Variants in TRPV2 observed in about 807,000 individuals in gnomAD.
TRPV2 encodes the protein transient receptor potential cation channel subfamily V member 2.
In TRPV2, 58 loss-of-function variants were observed where a neutral mutation model predicts 91.0. That is an observed-to-expected ratio of 0.64 (90% CI 0.52 to 0.79). The LOEUF (loss-of-function observed/expected upper bound fraction) is 0.79. Ranked by LOEUF, TRPV2 falls within the 30% of genes least tolerant of loss-of-function variation. The pLI is 0.00. For synonymous variants in TRPV2, 417 were observed against 414.8 expected, an observed-to-expected ratio of 1.01 and a Z score of -0.06; for missense variants, 807 against 969.6, an observed-to-expected ratio of 0.83 and a Z score of 2.23.
chr17:16,436,197 A>AG, intron 14 of TRPV2, among the ~76,000 whole-genome samples: 1 of 152,196 alleles, frequency 6.6e-6, no homozygotes, highest in East Asian at 1.9e-4. Flanking sequence ...GCACCACTGC[A>AG]GGGGGGCCCA....
At position 16,432,125 on chromosome 17, in the gene TRPV2, T is replaced by G. The variant is rs1430651064; in HGVS notation, c.1814T>G (p.Ile605Ser). 7 of 1,614,214 alleles carry G rather than the reference T, an allele frequency of 4.3e-6. No individual in the cohort carries two copies. Among genetic ancestry groups the G allele is most frequent in the Non-Finnish European group, 5.9e-6 (7 of 1,180,042 alleles). ...TCCTTGGAGCTCTTCAAATTCACCA[T>G]CGGCATGGGCGAGCTGGCCTTCCAG... ...EASLELFKFT[I>S]GMGELAFQEQ... The change falls in exon 12 of 15, where the codon ATC (isoleucine) becomes AGC (serine). Residue 605 changes from isoleucine to serine, a missense_variant. Coordinates refer to ENST00000338560, the MANE Select transcript of TRPV2 (RefSeq NM_016113.5).
chr17:16,420,907 C>T (rs544089567), intron 3 of TRPV2, among the ~76,000 whole-genome samples: 3 of 152,280 alleles, frequency 2.0e-5, no homozygotes, highest in South Asian at 2.1e-4. Flanking sequence ...TGAGCCACCG[C>T]GCAGGGCCTA....
At position 16,420,226 on chromosome 17, in the gene TRPV2, C is replaced by T. The variant is rs2093350299; in HGVS notation, c.312C>T (p.Tyr104=). Reference sequence around the variant, plus strand: ...AGTACCTGAGCAAGACCAGCAAGTACCTCACCGACTCGGAATACACAGGTA... The same window carrying T: ...AGTACCTGAGCAAGACCAGCAAGTATCTCACCGACTCGGAATACACAGGTA... ...LPEYLSKTSK[Y]LTDSEYTEGS... is the part of the protein sequence containing the mutation. Residue 104 remains tyrosine (Y), a synonymous_variant, in exon 3 of 15, where the codon TAC becomes TAT. Transcript: ENST00000338560. The T allele has an allele frequency of 6.2e-7, 1 of 1,613,820 alleles. No individual in the cohort carries two copies. The highest frequency in any genetic ancestry group is 1.3e-5 in the African/African-American group (1 of 74,940).
intron 3 of TRPV2, among the ~76,000 whole-genome samples, chr17:16,421,519 A>ATT (rs574608841): frequency 3.8e-4 from 33 of 86,714 alleles, no homozygotes; most frequent in African/African-American, 1.2e-3. Context: ...GCGCCTGGCC[A>ATT]TTTTTTTTTT....
At chr17:16,416,026 A>T (rs2093328798) in intron 1 of TRPV2, 193 bp downstream of exon 1, 1 of 152,356 alleles carries the variant, frequency 6.6e-6, no homozygotes, top group South Asian at 2.1e-4. Flanking sequence ...TGAGGGTCCC[A>T]GGAGGTGGGG....
chr17:16,431,292 T>TATATATACACATA (rs1491493192), intron 10 of TRPV2, among the ~76,000 whole-genome samples: 19 of 16,296 alleles, frequency 1.2e-3, no homozygotes, highest in African/African-American at 5.7e-3. Context: ...TATATACATA[T>TATATATACACATA]TTTTTTTTTT....
chr17:16,418,704 C>T (rs952370447), intron 2 of TRPV2, among the ~76,000 whole-genome samples: 3 of 152,098 alleles, frequency 2.0e-5, no homozygotes, highest in Admixed American at 6.6e-5. Context: ...GCCCTTGATG[C>T]TTTCAGTACC....
intron 10 of TRPV2, 25 bp downstream of exon 10, chr17:16,429,007 G>A (rs1199806663): frequency 6.2e-7 from 1 of 1,612,550 alleles, no homozygotes; most frequent in Non-Finnish European, 8.5e-7. Context: ...TGGCCCACCG[G>A]GACTCTTTTG....
intron 2 of TRPV2, 38 bp downstream of exon 2, chr17:16,417,906 C>T (rs769822028): frequency 1.9e-6 from 3 of 1,589,578 alleles, no homozygotes; most frequent in Admixed American, 3.5e-5. Flanking sequence ...AGGGGGCCCC[C>T]TGCCCAGCTC....
In TRPV2 at chr17:16,426,656, G is replaced by C. The variant is rs550099300; in HGVS notation, c.1096-66G>C. Reference sequence around the variant, plus strand: ...TTTCCTGGGCCCTTGCTTTGATCTTGACATGGAGTGGGCAGCCTATTTGCA... The same window carrying C: ...TTTCCTGGGCCCTTGCTTTGATCTTCACATGGAGTGGGCAGCCTATTTGCA... On this transcript the variant is annotated intron_variant, in intron 6 of 14. Coordinates refer to ENST00000338560, the MANE Select transcript of TRPV2 (RefSeq NM_016113.5). This position sits in a 1 kb window ranked among gnomAD's most constrained non-coding sequence, Gnocchi z 6.0. The C allele has an allele frequency of 1.4e-5, 21 of 1,551,064 alleles. No homozygotes were observed. The South Asian group carries it at 2.6e-4, about 19-fold the overall frequency.
At position 16,417,737 on chromosome 17, in the gene TRPV2, T is replaced by C. The variant is rs747774378; in HGVS notation, c.69T>C (p.Ser23=). 6.2e-7 allele frequency: 1 copy of C among 1,614,228 alleles called. No individual in the cohort carries two copies. Residue 23 remains serine (S), a synonymous_variant, in exon 2 of 15, where the codon TCT becomes TCC. Transcript: ENST00000338560. ...TAGATGGAGGCCAAGAAGATGGCTC[T>C]GAGGCGGACAGAGGAAAGCTGGATT... ...ETLDGGQEDG[S]EADRGKLDFG...
rs1478605214 is a variant in TRPV2, at chr17:16,426,184, G to A, written c.1010G>A (p.Arg337Gln). 2 of 1,614,220 alleles carry A rather than the reference G, an allele frequency of 1.2e-6. No homozygotes were observed. Among genetic ancestry groups the A allele is most frequent in the East Asian group, 2.2e-5 (1 of 44,892 alleles). Residue 337 changes from arginine (R) to glutamine (Q), a missense_variant, in exon 6 of 15, where the codon CGG becomes CAG. Transcript: ENST00000338560. The surrounding 1 kb of genome is among the most constrained non-coding windows in gnomAD (Gnocchi z 6.0). Reference sequence around the variant, plus strand: ...ACCGAGTGGTGCTATGGGCCTGTCCGGGTGTCGCTGTATGACCTGGCTTCT... The same window carrying A: ...ACCGAGTGGTGCTATGGGCCTGTCCAGGTGTCGCTGTATGACCTGGCTTCT... ...KFTEWCYGPV[R>Q]VSLYDLASVD...
Position 16,415,830 on chromosome 17 carries a change from C to T in TRPV2, c.-111C>T, listed in dbSNP as rs7215268. ...GCCGCCACGCCCTGGCCTCAGCCTG[C>T]GGGGTAAGTCGGTGGGCAATGCTGG... On this transcript the variant is annotated 5_prime_UTR_variant, in exon 1 of 15. Coordinates refer to ENST00000338560, the MANE Select transcript of TRPV2 (RefSeq NM_016113.5). This position sits in a 1 kb window ranked among gnomAD's most constrained non-coding sequence, Gnocchi z 4.5. 0.053 allele frequency: 8,117 copies of T among 152,368 alleles called. 251 individuals are homozygous for T. Among genetic ancestry groups the T allele is most frequent in the African/African-American group, 0.079 (3,262 of 41,522 alleles). 9.4% of individuals were successfully genotyped at this position (152,368 alleles called of 1,614,324 possible). A position where few individuals can be genotyped will look rare whatever the true frequency, so the allele number is the denominator to read the frequency against.
At position 16,417,838 on chromosome 17, in the gene TRPV2, A is replaced by T; in HGVS notation, c.170A>T (p.Asn57Ile). 1 of 1,614,140 alleles carries T rather than the reference A, an allele frequency of 6.2e-7. No individual in the cohort carries two copies. Among genetic ancestry groups the T allele is most frequent in the South Asian group, 1.1e-5 (1 of 91,078 alleles). The change falls in exon 2 of 15, where the codon AAC (asparagine) becomes ATC (isoleucine). Residue 57 changes from asparagine to isoleucine, a missense_variant. Transcript: ENST00000338560. ...DRKFAPQIRV[N>I]LNYRKGTGAS... is the part of the protein sequence containing the mutation. ...AAATTCGCCCCTCAGATAAGAGTCAACCTCAACTACCGAAAGGGAACAGGT... is the reference window on the plus strand; with the variant it reads ...AAATTCGCCCCTCAGATAAGAGTCATCCTCAACTACCGAAAGGGAACAGGT...
intron 13 of TRPV2, 147 bp downstream of exon 13, chr17:16,433,845 G>A (rs2093424018): frequency 1.7e-6 from 2 of 1,189,890 alleles, no homozygotes; most frequent in Non-Finnish European, 2.3e-6. Context: ...CTGAGCAGGT[G>A]AGGTCAGGGG....
chr17:16,434,807 A>C, intron 13 of TRPV2, 83 bp from the exon 14 acceptor site: 1 of 1,372,528 alleles, frequency 7.3e-7, no homozygotes, highest in Non-Finnish European at 1.0e-6. Flanking sequence ...TAGTCTCCCA[A>C]TTTGGGGGGC....
intron 3 of TRPV2, among the ~76,000 whole-genome samples, chr17:16,421,145 G>A (rs551774296): frequency 2.3e-3 from 355 of 151,932 alleles, no homozygotes; most frequent in African/African-American, 8.2e-3. Context: ...TAGGTTGTTC[G>A]TAGTTTTTGG....
rs1177092676 is a variant in TRPV2 at position 16,435,878 on chromosome 17, T to G, written c.2194+909T>G. ...TTTCCCTTCACCTTCTCTTTGCATCTCCCTCTCTTCACTACAATGCCAGGA... is the reference window on the plus strand; with the variant it reads ...TTTCCCTTCACCTTCTCTTTGCATCGCCCTCTCTTCACTACAATGCCAGGA... On this transcript the variant is annotated intron_variant, in intron 14 of 14. Coordinates refer to ENST00000338560, the MANE Select transcript of TRPV2 (RefSeq NM_016113.5). The surrounding 1 kb of genome is among the most constrained non-coding windows in gnomAD (Gnocchi z 4.2). 3.3e-5 allele frequency among the ~76,000 whole-genome samples: 5 copies of G among 151,994 alleles called. No homozygotes were observed. The highest frequency in any genetic ancestry group is 7.4e-5 in the Non-Finnish European group (5 of 68,010).
chr17:16,417,948 T>C (rs868510406), intron 2 of TRPV2, 80 bp downstream of exon 2: 18 of 1,370,864 alleles, frequency 1.3e-5, no homozygotes, highest in Middle Eastern at 4.6e-4. Flanking sequence ...ACTCATTGAC[T>C]AGTCCAGCAC....
Sources: allele counts gnomAD v4.1 joint callset (sites outside exome capture counted in the v4.1 genomes callset), GRCh38; gene constraint gnomAD v4.1.1; non-coding constraint Gnocchi (gnomAD v3.1); transcripts MANE v1.5; gene names NCBI Gene and HGNC (gene_info 2026-07-23, HGNC 2026-07-21).